The following TTC7A variants were observed in gnomAD, a reference collection of about 807,000 sequenced individuals.
TTC7A encodes tetratricopeptide repeat protein 7A.
TTC7A carries 110 observed loss-of-function variants against 103.7 expected under a neutral mutation model. The observed-to-expected ratio is 1.06, with a 90% CI of 0.91 to 1.24. The LOEUF (loss-of-function observed/expected upper bound fraction) is 1.24. Among genes scored for constraint, TTC7A ranks in the 50% most tolerant of loss-of-function variants. The probability of loss-of-function intolerance (pLI) is 0.00; values close to 1 mark genes in which losing one functional copy is unlikely to be tolerated. For synonymous variants in TTC7A, 521 were observed against 467.9 expected (o/e 1.11, Z -1.47); for missense variants, 1,340 against 1,116.3 (o/e 1.20, Z -2.86).
At chr2:47,047,195 G>T (rs1682412287) in intron 16 of TTC7A, 3 of 841,254 alleles carry the variant, frequency 3.6e-6, no homozygotes, top group Non-Finnish European at 5.7e-6. Context: ...TCCTTCTTTG[G>T]GATAGCTGGC....
chr2:46,957,183 G>A (rs1312009933), intron 3 of TTC7A, among the ~76,000 whole-genome samples, 176 bp downstream of exon 3: 1 of 152,156 alleles, frequency 6.6e-6, no homozygotes, highest in Non-Finnish European at 1.5e-5. Flanking sequence ...ATTGCCTGGT[G>A]CCTGGGACGT....
chr2:47,044,301 T>C (rs1682074569), intron 15 of TTC7A, among the ~76,000 whole-genome samples: 1 of 152,240 alleles, frequency 6.6e-6, no homozygotes, highest in African/African-American at 2.4e-5. Flanking sequence ...GTGTGTCATT[T>C]ATAGCGCTCT....
intron 2 of TTC7A, among the ~76,000 whole-genome samples, chr2:46,922,719 C>G (rs1202873257): frequency 1.3e-5 from 2 of 152,156 alleles, no homozygotes; most frequent in Admixed American, 6.5e-5. Context: ...GAAGACATCT[C>G]TACCAAAATG....
chr2:46,919,301 G>A (rs1207532394), intron 2 of TTC7A, among the ~76,000 whole-genome samples: 1 of 152,228 alleles, frequency 6.6e-6, no homozygotes, highest in Non-Finnish European at 1.5e-5. Context: ...TTGGGAGGCC[G>A]AGGCGGCAAA....
chr2:47,032,457 G>A (rs1182930305), intron 15 of TTC7A, among the ~76,000 whole-genome samples: 3 of 152,196 alleles, frequency 2.0e-5, no homozygotes, highest in Non-Finnish European at 4.4e-5. Flanking sequence ...TGCAGACATC[G>A]CAGAGCGACT....
intron 5 of TTC7A, among the ~76,000 whole-genome samples, chr2:46,988,053 G>C (rs75504598): frequency 0.097 from 14,724 of 152,194 alleles, 833 homozygotes; most frequent in Admixed American, 0.14. Flanking sequence ...CACAGTCACC[G>C]AACAGCGAAG....
At chr2:46,992,046 G>T (rs1040323174) in intron 5 of TTC7A, among the ~76,000 whole-genome samples, 1 of 152,188 alleles carries the variant, frequency 6.6e-6, no homozygotes, top group Non-Finnish European at 1.5e-5. Context: ...AATTGAAGAA[G>T]GGGCTTATGT....
At chr2:46,917,181 A>G (rs1217510234) in intron 1 of TTC7A, 11 of 700,674 alleles carry the variant, frequency 1.6e-5, no homozygotes, top group East Asian at 1.1e-4. Context: ...TCTTTTTTTA[A>G]AGAAAAGAGT....
At chr2:46,963,561 C>G (rs766710061) in intron 3 of TTC7A, among the ~76,000 whole-genome samples, 1 of 152,236 alleles carries the variant, frequency 6.6e-6, no homozygotes, top group African/African-American at 2.4e-5. Context: ...ATTTTCCCCT[C>G]GGACATCATG....
At chr2:47,015,712 TAGC>T (rs1558580145) in intron 11 of TTC7A, among the ~76,000 whole-genome samples, 1 of 152,058 alleles carries the variant, frequency 6.6e-6, no homozygotes, top group Non-Finnish European at 1.5e-5. Flanking sequence ...CCCTTGAAAA[TAGC>T]AGGCACACAA....
chr2:47,064,647 A>G (rs1684044668), intron 19 of TTC7A, among the ~76,000 whole-genome samples: 1 of 152,148 alleles, frequency 6.6e-6, no homozygotes, highest in Non-Finnish European at 1.5e-5. Flanking sequence ...CCAAGGGCAG[A>G]AGAGGTACCT....
intron 18 of TTC7A, chr2:47,054,111 C>G (rs1683124381): frequency 1.0e-6 from 1 of 985,310 alleles, no homozygotes; most frequent in South Asian, 4.7e-5. Context: ...CAGAAGAGAA[C>G]TCCGAGAACA....
intron 3 of TTC7A, among the ~76,000 whole-genome samples, chr2:46,965,637 C>T (rs548072835): frequency 6.6e-6 from 1 of 150,994 alleles, no homozygotes; most frequent in East Asian, 2.0e-4. Flanking sequence ...TCTCGGCTCA[C>T]TGCAACCTCT....
intron 2 of TTC7A, among the ~76,000 whole-genome samples, chr2:46,955,683 G>A (rs989333038): frequency 3.9e-5 from 6 of 152,200 alleles, no homozygotes; most frequent in Admixed American, 3.3e-4. Context: ...TCTGTGCCAC[G>A]CTTCATTTCT....
chr2:46,926,834 G>A (rs1669408571), intron 2 of TTC7A, among the ~76,000 whole-genome samples: 1 of 152,166 alleles, frequency 6.6e-6, no homozygotes. Flanking sequence ...CTCAGACAGA[G>A]GTTGTTAAAC....
In TTC7A at chr2:46,927,889, T is replaced by G. The variant is rs1048728056; in HGVS notation, c.82+10612T>G. Among the ~76,000 whole-genome samples the G allele has an allele frequency of 9.3e-3, 1,147 of 123,582 alleles. 30 individuals are homozygous for G. Among genetic ancestry groups the G allele is most frequent in the African/African-American group, 0.034 (1,076 of 31,948 alleles). 81.1% of individuals were successfully genotyped at this position (123,582 alleles called of 152,430 possible). ...AATATTGGGGTTTTTTTGGTGTTTT[T>G]TTTTTTTTTTTTTTTTTTTTTTGAG... On this transcript the variant is annotated intron_variant, in intron 2 of 20. Coordinates refer to the TTC7A transcript ENST00000409245.
chr2:46,972,589 C>G (rs1673466738), intron 3 of TTC7A, among the ~76,000 whole-genome samples: 1 of 152,206 alleles, frequency 6.6e-6, no homozygotes, highest in Admixed American at 6.5e-5. Context: ...TGTGCCCACA[C>G]TTAGCTGATT....
chr2:47,008,964 C>T (rs781382393), intron 10 of TTC7A, among the ~76,000 whole-genome samples: 3 of 150,802 alleles, frequency 2.0e-5, no homozygotes, highest in Non-Finnish European at 4.4e-5. Flanking sequence ...TAAATAGCAG[C>T]GTTTTTTGGT....
chr2:46,930,535 T>C (rs1427388249), intron 2 of TTC7A, among the ~76,000 whole-genome samples: 19 of 151,086 alleles, frequency 1.3e-4, no homozygotes, highest in Non-Finnish European at 2.9e-5. Flanking sequence ...GTCTCACTCT[T>C]GTACCCCAGG....
Sources: allele counts gnomAD v4.1 joint callset (sites outside exome capture counted in the v4.1 genomes callset), GRCh38; gene constraint gnomAD v4.1.1; transcripts MANE v1.5; gene names NCBI Gene and HGNC (gene_info 2026-07-23, HGNC 2026-07-21).